The following SLC39A9 variants were observed in gnomAD, a reference collection of about 807,000 sequenced individuals.
SLC39A9 encodes zinc transporter ZIP9.
Under a neutral mutation model 28.4 loss-of-function variants are expected in SLC39A9, and 14 were observed. That is an observed-to-expected ratio of 0.49 (90% CI 0.33 to 0.77). The LOEUF (loss-of-function observed/expected upper bound fraction) is 0.77. Ranked by LOEUF, SLC39A9 falls within the 30% of genes least tolerant of loss-of-function variation. The pLI is 0.02. For synonymous variants in SLC39A9, 119 were observed against 149.6 expected (o/e 0.80, Z 1.49); for missense variants, 283 against 381.1 (o/e 0.74, Z 2.14).
intron 4 of SLC39A9, among the ~76,000 whole-genome samples, chr14:69,454,254 G>A (rs1250600428): frequency 6.6e-6 from 1 of 152,124 alleles, no homozygotes; most frequent in Non-Finnish European, 1.5e-5. Flanking sequence ...TCTATATAGA[G>A]TTCTAGTATC....
chr14:69,445,812 T>C (rs1885266958), intron 3 of SLC39A9, among the ~76,000 whole-genome samples: 1 of 152,214 alleles, frequency 6.6e-6, no homozygotes, highest in African/African-American at 2.4e-5. Flanking sequence ...TGGAAACATG[T>C]TAATGTTCTA....
chr14:69,443,201 G>T lies in SLC39A9; in HGVS notation c.403+935G>T, dbSNP rs553629630. 5.3e-5 allele frequency among the ~76,000 whole-genome samples: 8 copies of T among 152,316 alleles called. 1 individual carries two copies. In the South Asian group the frequency reaches 1.7e-3, roughly 32 times the overall value. On this transcript the variant is annotated intron_variant, in intron 3 of 6. Coordinates refer to ENST00000336643, the MANE Select transcript of SLC39A9 (RefSeq NM_018375.5). ...TTGAGAGTTATAAAACTTCTCCAGGGATTGATGTGTAGACATATTTTTTCA... is the reference window on the plus strand; with the variant it reads ...TTGAGAGTTATAAAACTTCTCCAGGTATTGATGTGTAGACATATTTTTTCA...
intron 2 of SLC39A9, among the ~76,000 whole-genome samples, chr14:69,432,523 T>A (rs1358562693): frequency 6.6e-6 from 1 of 152,230 alleles, no homozygotes; most frequent in East Asian, 1.9e-4. Flanking sequence ...ATTCTCTTGA[T>A]AGTTTACTGT....
intron 3 of SLC39A9, 98 bp downstream of exon 3, chr14:69,442,364 A>G: frequency 8.5e-7 from 1 of 1,177,722 alleles, no homozygotes; most frequent in South Asian, 1.4e-5. Flanking sequence ...GGCCATATTT[A>G]GTGCTAAAAC....
At chr14:69,421,071 G>A (rs535610905) in intron 1 of SLC39A9, among the ~76,000 whole-genome samples, 1 of 152,334 alleles carries the variant, frequency 6.6e-6, no homozygotes, top group South Asian at 2.1e-4. Context: ...AGGAGAAGAG[G>A]TGCTCTGGTT....
chr14:69,414,752 G>C (rs981092600), intron 1 of SLC39A9, among the ~76,000 whole-genome samples: 8 of 152,142 alleles, frequency 5.3e-5, no homozygotes, highest in Non-Finnish European at 7.4e-5. Context: ...TGTTATTCTA[G>C]AAAGTAACCT....
chr14:69,409,384 A>G (rs959737826), intron 1 of SLC39A9, among the ~76,000 whole-genome samples: 2 of 152,134 alleles, frequency 1.3e-5, no homozygotes, highest in African/African-American at 4.8e-5. Flanking sequence ...TACCCAGGCT[A>G]GAGTGCAGTG....
chr14:69,398,896 C>A lies in SLC39A9; in HGVS notation c.-474C>A. 1 of 199,030 alleles carries A rather than the reference C, an allele frequency of 5.0e-6. No homozygotes were observed. The allele number at this position is 199,030 out of a possible 1,614,324, so 12.3% of individuals were successfully genotyped here. The stretch of plus-strand genomic sequence containing the variant: ...AGGCTCGGAGGAGAGTTTGCTGGGA[C>A]TGGTGGGCTGGTTTCCTGCTCTGGG... On this transcript the variant is annotated 5_prime_UTR_variant, in exon 1 of 7. In the 5' UTR this introduces an upstream ATG that the reference lacks. Transcript: ENST00000336643.
At chr14:69,437,464 G>A (rs952255376) in intron 2 of SLC39A9, among the ~76,000 whole-genome samples, 1 of 152,144 alleles carries the variant, frequency 6.6e-6, no homozygotes, top group Non-Finnish European at 1.5e-5. Flanking sequence ...GTTTTGTCCA[G>A]TTTTTGTTGT....
intron 3 of SLC39A9, among the ~76,000 whole-genome samples, chr14:69,452,503 A>G (rs1423640786): frequency 2.6e-5 from 4 of 151,610 alleles, no homozygotes; most frequent in Non-Finnish European, 5.9e-5. Flanking sequence ...TAATTTTTAT[A>G]TTTTTTAGTA....
intron 1 of SLC39A9, among the ~76,000 whole-genome samples, chr14:69,411,085 G>T (rs1347432243): frequency 6.6e-6 from 1 of 152,074 alleles, no homozygotes; most frequent in South Asian, 2.1e-4. Flanking sequence ...GATGGCACAT[G>T]CCTGTAATCC....
Position 69,461,828 on chromosome 14 carries a change from C to T in SLC39A9, c.*3235C>T, listed in dbSNP as rs148648575. ...AAAGGATGTTCCTGCCTTGTGGGCC[C>T]CTGAGCCCCTTGGGAGACTGAGAAT... On this transcript the variant is annotated 3_prime_UTR_variant, in exon 7 of 7. Coordinates refer to ENST00000336643, the MANE Select transcript of SLC39A9 (RefSeq NM_018375.5). 4.1e-4 allele frequency: 549 copies of T among 1,345,750 alleles called. 1 individual carries two copies. In the African/African-American group the frequency reaches 7.1e-3, roughly 17 times the overall value. 83.4% of individuals were successfully genotyped at this position (1,345,750 alleles called of 1,614,324 possible).
At position 69,455,779 on chromosome 14, in the gene SLC39A9, A is replaced by C; in HGVS notation, c.606A>C (p.Leu202Phe). 1 of 1,614,242 alleles carries C rather than the reference A, an allele frequency of 6.2e-7. No individual in the cohort carries two copies. The highest frequency in any genetic ancestry group is 8.5e-7 in the Non-Finnish European group (1 of 1,180,034). The change falls in exon 6 of 7, where the codon TTA becomes TTC. Residue 202 changes from leucine to phenylalanine, a missense_variant. Physicochemically the swap from Leu to Phe is conservative, Grantham distance 22. Transcript: ENST00000336643. ...GLVSFLMHAGLERNRIRKHLL... is the reference protein window; with the variant it reads ...GLVSFLMHAGFERNRIRKHLL... ...TTTCCTTCTTGATGCATGCTGGCTT[A>C]GAGCGGAATCGAATCAGAAAGCACT...
At position 69,434,073 on chromosome 14, in the gene SLC39A9, C is replaced by CTTTT. The variant is rs1566917650; in HGVS notation, c.206-7995_206-7992dup. Among the ~76,000 whole-genome samples, 58 of 139,320 alleles carry CTTTT rather than the reference C, an allele frequency of 4.2e-4. 1 individual carries two copies. The highest frequency in any genetic ancestry group is 1.5e-3 in the African/African-American group (57 of 37,614). The allele number at this position is 139,320 out of a possible 152,430, so 91.4% of individuals were successfully genotyped here. The stretch of plus-strand genomic sequence containing the variant: ...GTGCTGAGATTACAGGCATGTAATT[C>CTTTT]TTTTCTTTTCTTTTTTTTTTTTTTT... On this transcript the variant is annotated intron_variant, in intron 2 of 6. Coordinates refer to ENST00000336643, the MANE Select transcript of SLC39A9 (RefSeq NM_018375.5).
chr14:69,423,124 ATT>A (rs1311732920), intron 1 of SLC39A9, among the ~76,000 whole-genome samples: 1 of 152,214 alleles, frequency 6.6e-6, no homozygotes, highest in Non-Finnish European at 1.5e-5. Flanking sequence ...CAAGTTATAA[ATT>A]TTAAGTAAAA....
At chr14:69,450,802 C>T (rs375985209) in intron 3 of SLC39A9, among the ~76,000 whole-genome samples, 3 of 152,094 alleles carry the variant, frequency 2.0e-5, no homozygotes, top group Non-Finnish European at 2.9e-5. Flanking sequence ...TGTGTGGGCG[C>T]AGTAGTAGCC....
rs765146035 is a variant in SLC39A9 at position 69,448,527 on chromosome 14, A to G, written c.404-4714A>G. On this transcript the variant is annotated intron_variant, in intron 3 of 6. Coordinates refer to ENST00000336643, the MANE Select transcript of SLC39A9 (RefSeq NM_018375.5). ...CCCGTAGTCTTAAGGACATACACAC[A>G]AAAGTTTTTATTACTAAAAAAACAA... Among the ~76,000 whole-genome samples the G allele has an allele frequency of 1.4e-3, 219 of 152,330 alleles. 5 individuals carry two copies. Among genetic ancestry groups the G allele is most frequent in the Admixed American group, 7.8e-4 (12 of 15,302 alleles).
At position 69,445,714 on chromosome 14, in the gene SLC39A9, G is replaced by A. The variant is rs61491345; in HGVS notation, c.403+3448G>A. 4.1e-3 allele frequency among the ~76,000 whole-genome samples: 619 copies of A among 152,280 alleles called. 6 individuals are homozygous for A. The highest frequency in any genetic ancestry group is 0.014 in the African/African-American group (596 of 41,546). ...CAAAAGACATTTATTAACTGCATGG[G>A]GTGAGGTGGAGGAGTTGAGAGGGCA... On this transcript the variant is annotated intron_variant, in intron 3 of 6. Transcript: ENST00000336643.
intron 1 of SLC39A9, among the ~76,000 whole-genome samples, chr14:69,403,225 C>T (rs1165842899): frequency 6.6e-6 from 1 of 152,188 alleles, no homozygotes; most frequent in Admixed American, 6.5e-5. Flanking sequence ...GATTGAATTG[C>T]TAATGAGTAG....
Sources: allele counts gnomAD v4.1 joint callset (sites outside exome capture counted in the v4.1 genomes callset), GRCh38; gene constraint gnomAD v4.1.1; transcripts MANE v1.5; gene names NCBI Gene and HGNC (gene_info 2026-07-23, HGNC 2026-07-21).